Variants in FNTB observed in about 807,000 individuals in gnomAD.
FNTB encodes farnesyltransferase, CAAX box, subunit beta.
A neutral mutation model predicts 59.4 loss-of-function variants in FNTB; 27 were observed. That is an observed-to-expected ratio of 0.45 (90% confidence interval 0.34 to 0.63). FNTB has a LOEUF of 0.63. Ranked by LOEUF, FNTB falls within the 20% of genes least tolerant of loss-of-function variation. The pLI is 0.02. For missense variants in FNTB, 449 were observed against 559.6 expected, an observed-to-expected ratio of 0.80 and a Z score of 1.99; for synonymous variants, 230 against 220.7, an observed-to-expected ratio of 1.04 and a Z score of -0.37.
At chr14:65,002,770 C>T (rs887741166) in intron 1 of FNTB, among the ~76,000 whole-genome samples, 7 of 151,850 alleles carry the variant, frequency 4.6e-5, no homozygotes, top group Admixed American at 2.6e-4. Flanking sequence ...GGCTGAAGTG[C>T]GGAGTGAGGA....
chr14:64,998,891 A>C (rs1175671032), intron 1 of FNTB, among the ~76,000 whole-genome samples: 1 of 152,224 alleles, frequency 6.6e-6, no homozygotes, highest in Non-Finnish European at 1.5e-5. Flanking sequence ...CATTATTCAT[A>C]ATAGCCAAAA....
At position 65,035,530 on chromosome 14, in the gene FNTB, TTCTC is replaced by T. The variant is rs145538241; in HGVS notation, c.692+2838_692+2841del. 6.7e-3 allele frequency among the ~76,000 whole-genome samples: 1,021 copies of T among 152,240 alleles called. 12 individuals are homozygous for T. Among genetic ancestry groups the T allele is most frequent in the African/African-American group, 0.023 (939 of 41,528 alleles). ...CCTTCTTTCTTCCTCTGTCTTTCAA[TTCTC>T]TCTTTCTTTTTTTGAGACCGAGTCT... On this transcript the variant is annotated intron_variant, in intron 7 of 11. Coordinates refer to ENST00000246166, the MANE Select transcript of FNTB (RefSeq NM_002028.4).
At position 65,027,033 on chromosome 14, in the gene FNTB, A is replaced by G. The variant is rs1009147820; in HGVS notation, c.375-420A>G. On this transcript the variant is annotated intron_variant, in intron 4 of 11. Transcript: ENST00000246166. The surrounding 1 kb of genome is among the most constrained non-coding windows in gnomAD (Gnocchi z 5.7). ...TTAGTGTGGAAAGAAGCAGTTGAGC[A>G]CCATGTTTTGGCAAAATTCAAAGGC... 1.3e-5 allele frequency among the ~76,000 whole-genome samples: 2 copies of G among 152,106 alleles called. No individual in the cohort carries two copies. The highest frequency in any genetic ancestry group is 4.8e-5 in the African/African-American group (2 of 41,402).
chr14:65,001,352 TCAGTA>T lies in FNTB; in HGVS notation c.145-2891_145-2887del, dbSNP rs1169092740. ...ATTGTGTTACATTTGCCTACAGTAT[TCAGTA>T]CAGTAATATGCTGTACAGGTCTGTG... On this transcript the variant is annotated intron_variant, in intron 1 of 11. Transcript: ENST00000246166. The surrounding 1 kb of genome is among the most constrained non-coding windows in gnomAD (Gnocchi z 5.5). 1.3e-5 allele frequency among the ~76,000 whole-genome samples: 2 copies of T among 152,192 alleles called. No individual in the cohort carries two copies. The highest frequency in any genetic ancestry group is 6.5e-5 in the Admixed American group (1 of 15,286).
At chr14:65,050,125 T>C (rs770313853) in intron 9 of FNTB, among the ~76,000 whole-genome samples, 16 of 152,120 alleles carry the variant, frequency 1.1e-4, no homozygotes, top group Non-Finnish European at 2.1e-4. Flanking sequence ...ATTAATAAAA[T>C]TGGCTATTGG....
At position 65,062,385 on chromosome 14, in the gene FNTB, G is replaced by T. The variant is rs1299979613; in HGVS notation, c.*1073G>T. 1 of 152,586 alleles carries T rather than the reference G, an allele frequency of 6.6e-6. No homozygotes were observed. Among genetic ancestry groups the T allele is most frequent in the African/African-American group, 2.4e-5 (1 of 41,462 alleles). The allele number at this position is 152,586 out of a possible 1,614,324, so 9.5% of individuals were successfully genotyped here. ...CTGTAGCTGGTGGTGGCAGCGTGGG[G>T]TGCCGCCCAGCGTGCTGGGTCCTGG... is the stretch of plus-strand genomic sequence containing the variant. On this transcript the variant is annotated 3_prime_UTR_variant, in exon 12 of 12. Coordinates refer to ENST00000246166, the MANE Select transcript of FNTB (RefSeq NM_002028.4). The surrounding 1 kb of genome is among the most constrained non-coding windows in gnomAD (Gnocchi z 4.3).
At position 65,044,663 on chromosome 14, in the gene FNTB, C is replaced by A; in HGVS notation, c.955+220C>A. 2 of 693,912 alleles carry A rather than the reference C, an allele frequency of 2.9e-6. No homozygotes were observed. Among genetic ancestry groups the A allele is most frequent in the Non-Finnish European group, 4.3e-6 (2 of 460,888 alleles). The allele number at this position is 693,912 out of a possible 1,614,324, so 43.0% of individuals were successfully genotyped here. On this transcript the variant is annotated intron_variant, in intron 9 of 11. Transcript: ENST00000246166. The surrounding 1 kb of genome is among the most constrained non-coding windows in gnomAD (Gnocchi z 5.5). ...ATTCTTTGCTTCTTCAAATTGGCTGCGACAGAATGAGCTTCCTTGAAATTG... is the reference window on the plus strand; with the variant it reads ...ATTCTTTGCTTCTTCAAATTGGCTGAGACAGAATGAGCTTCCTTGAAATTG...
At chr14:64,992,158 T>G (rs1421583684) in intron 1 of FNTB, among the ~76,000 whole-genome samples, 1 of 152,324 alleles carries the variant, frequency 6.6e-6, no homozygotes, top group Non-Finnish European at 1.5e-5. Context: ...AGGCTAGCTT[T>G]CTGAATCCAT....
In FNTB at chr14:65,061,447, T is replaced by C. The variant is rs969669819; in HGVS notation, c.*135T>C. ...AGCTGTGGTTCTCTTGGTACTTTCT[T>C]GTCAAACAAAACCAATGGCTCTGGG... is the stretch of plus-strand genomic sequence containing the variant. On this transcript the variant is annotated 3_prime_UTR_variant, in exon 12 of 12. Coordinates refer to ENST00000246166, the MANE Select transcript of FNTB (RefSeq NM_002028.4). 7 of 1,396,556 alleles carry C rather than the reference T, an allele frequency of 5.0e-6. No homozygotes were observed. Among genetic ancestry groups the C allele is most frequent in the African/African-American group, 4.3e-5 (3 of 69,128 alleles). The allele number at this position is 1,396,556 out of a possible 1,614,324, so 86.5% of individuals were successfully genotyped here. A position where few individuals can be genotyped will look rare whatever the true frequency, so the allele number is the denominator to read the frequency against.
intron 4 of FNTB, chr14:65,022,064 G>A (rs1016471711): frequency 6.6e-6 from 3 of 455,976 alleles, no homozygotes; most frequent in Admixed American, 2.4e-5. Context: ...GAGGCCACCC[G>A]GAATCAACAA....
intron 2 of FNTB, chr14:65,006,207 G>A (rs759435096): frequency 2.5e-6 from 4 of 1,594,164 alleles, no homozygotes; most frequent in South Asian, 1.1e-5. Context: ...TTTCTGATTA[G>A]CCATGGCAGA....
Position 65,012,309 on chromosome 14 carries a change from C to T in FNTB, c.210-8C>T. On this transcript the variant is annotated splice_polypyrimidine_tract_variant and splice_region_variant and intron_variant, in intron 2 of 11. Transcript: ENST00000246166. This position sits in a 1 kb window ranked among gnomAD's most constrained non-coding sequence, Gnocchi z 5.0. ...TAGAATGGGCTTATAAACTGTTTGT[C>T]TTTCCAGGCTTGTTTTGCAGAGGGA... 1 of 1,614,034 alleles carries T rather than the reference C, an allele frequency of 6.2e-7. No individual in the cohort carries two copies. Among genetic ancestry groups the T allele is most frequent in the South Asian group, 1.1e-5 (1 of 91,066 alleles).
In FNTB at chr14:65,004,293, G is replaced by C; in HGVS notation, c.189G>C (p.Lys63Asn). 1.2e-6 allele frequency: 2 copies of C among 1,613,216 alleles called. No homozygotes were observed. The highest frequency in any genetic ancestry group is 8.5e-7 in the Non-Finnish European group (1 of 1,179,534). The part of the protein sequence containing the change: ...EKIQEVFSSY[K>N]FNHLVPRLVL... Reference sequence around the variant, plus strand: ...TCCAAGAGGTCTTCAGTTCTTACAAGTTCAACCACCTTGTACCAAGGTAAG... The same window carrying C: ...TCCAAGAGGTCTTCAGTTCTTACAACTTCAACCACCTTGTACCAAGGTAAG... Residue 63 changes from lysine to asparagine, a missense_variant, in exon 2 of 12, where the codon AAG becomes AAC. Transcript: ENST00000246166.
At chr14:65,033,075 A>T (rs1232699630) in intron 7 of FNTB, among the ~76,000 whole-genome samples, 7 of 152,250 alleles carry the variant, frequency 4.6e-5, no homozygotes, top group African/African-American at 1.7e-4. Context: ...GGACTTGTTT[A>T]TAAGAGCCAA....
intron 10 of FNTB, among the ~76,000 whole-genome samples, chr14:65,053,977 C>T (rs941564238): frequency 6.6e-6 from 1 of 152,062 alleles, no homozygotes; most frequent in African/African-American, 2.4e-5. Flanking sequence ...CCTGGAGAGC[C>T]CTTTCCAGAA....
intron 1 of FNTB, 156 bp downstream of exon 1, chr14:64,987,253 T>C (rs1887983456): frequency 2.3e-6 from 2 of 871,270 alleles, no homozygotes; most frequent in Non-Finnish European, 3.5e-6. Context: ...GCGCCCAGGC[T>C]TGGGCTTCGT....
intron 3 of FNTB, 133 bp from the exon 4 acceptor site, chr14:65,015,492 C>A: frequency 2.3e-6 from 1 of 440,260 alleles, no homozygotes; most frequent in Non-Finnish European, 3.8e-6. Context: ...CCTTTATTCA[C>A]TGATTGTTGT....
In FNTB at chr14:65,026,408, T is replaced by C. The variant is rs73268801; in HGVS notation, c.375-1045T>C. Reference sequence around the variant, plus strand: ...CCTCAGTGAGGGAATGGGAGCCTGTTTGAATTAACGTGGAGAATTCTCCAA... The same window carrying C: ...CCTCAGTGAGGGAATGGGAGCCTGTCTGAATTAACGTGGAGAATTCTCCAA... On this transcript the variant is annotated intron_variant, in intron 4 of 11. Coordinates refer to ENST00000246166, the MANE Select transcript of FNTB (RefSeq NM_002028.4). Among the ~76,000 whole-genome samples the C allele has an allele frequency of 2.4e-3, 369 of 152,290 alleles. 4 individuals are homozygous for C. The highest frequency in any genetic ancestry group is 8.1e-3 in the African/African-American group (337 of 41,562).
chr14:65,061,678 A>G lies in FNTB; in HGVS notation c.*366A>G. On this transcript the variant is annotated 3_prime_UTR_variant, in exon 12 of 12. Transcript: ENST00000246166. Reference sequence around the variant, plus strand: ...AGAGCCACTGCTGACTCCCACTTGCACGCCACCATTCAGTCACCAGACTGG... The same window carrying G: ...AGAGCCACTGCTGACTCCCACTTGCGCGCCACCATTCAGTCACCAGACTGG... 1 of 201,408 alleles carries G rather than the reference A, an allele frequency of 5.0e-6. No individual in the cohort carries two copies. The highest frequency in any genetic ancestry group is 1.1e-5 in the Non-Finnish European group (1 of 95,148). 12.5% of individuals were successfully genotyped at this position (201,408 alleles called of 1,614,324 possible).
Sources: allele counts gnomAD v4.1 joint callset (sites outside exome capture counted in the v4.1 genomes callset), GRCh38; gene constraint gnomAD v4.1.1; non-coding constraint Gnocchi (gnomAD v3.1); transcripts MANE v1.5; gene names NCBI Gene and HGNC (gene_info 2026-07-23, HGNC 2026-07-21).